The following MEGF10 variants were observed in gnomAD, a reference collection of about 807,000 sequenced individuals.
MEGF10 encodes multiple epidermal growth factor-like domains protein 10.
A neutral mutation model predicts 147.5 loss-of-function variants in MEGF10; 86 were observed. The ratio of observed to expected loss-of-function variants is 0.58; its 90% CI spans 0.49 to 0.70. The LOEUF is 0.70. Among genes scored for constraint, MEGF10 ranks in the 30% least tolerant of loss-of-function variants. The pLI is 0.00. For missense variants in MEGF10, 1,329 were observed against 1,487.3 expected (o/e 0.89, Z 1.75); for synonymous variants, 478 against 525.5 (o/e 0.91, Z 1.24).
chr5:127,433,603 A>G, intron 14 of MEGF10, 94 bp downstream of exon 14: 1 of 1,450,902 alleles, frequency 6.9e-7, no homozygotes. Flanking sequence ...GTTTATAGTG[A>G]TGTCCTGTTG....
At chr5:127,318,241 A>G (rs1316446355) in intron 1 of MEGF10, among the ~76,000 whole-genome samples, 1 of 152,150 alleles carries the variant, frequency 6.6e-6, no homozygotes, top group Admixed American at 6.5e-5. Flanking sequence ...TCCAGCCTCC[A>G]GAACTGTGAG....
the MEGF10 span, among the ~76,000 whole-genome samples, chr5:127,282,750 T>C: frequency 6.6e-6 from 1 of 152,228 alleles, no homozygotes; most frequent in Non-Finnish European, 1.5e-5. Flanking sequence ...TCTGGAAGGA[T>C]GGTGTATCAG....
chr5:127,358,829 T>C (rs1333082819), intron 4 of MEGF10, among the ~76,000 whole-genome samples: 1 of 152,156 alleles, frequency 6.6e-6, no homozygotes, highest in African/African-American at 2.4e-5. Context: ...CATTTTGATG[T>C]TTTAGTCCAT....
At chr5:127,281,648 A>G in the MEGF10 span, among the ~76,000 whole-genome samples, 1 of 152,062 alleles carries the variant, frequency 6.6e-6, no homozygotes. Flanking sequence ...AGCAGGGATG[A>G]AGGAAAGGAC....
chr5:127,422,673 G>A lies in MEGF10; in HGVS notation c.1594G>A (p.Gly532Ser). The A allele has an allele frequency of 1.9e-6, 3 of 1,613,670 alleles. No individual in the cohort carries two copies. The South Asian group carries it at 3.3e-5, about 18-fold the overall frequency. Residue 532 changes from glycine to serine, a missense_variant, in exon 13 of 25, where the codon GGC becomes AGC. Coordinates refer to ENST00000503335, the MANE Select transcript of MEGF10 (RefSeq NM_001256545.2). Reference protein sequence around the residue: ...GEKCELPCQDGTYGLNCAERC... With the variant: ...GEKCELPCQDSTYGLNCAERC... The stretch of plus-strand genomic sequence containing the variant: ...TTTGATGCTGTTTTCCATGCAGGAT[G>A]GCACGTACGGGCTGAACTGTGCTGA...
chr5:127,403,512 G>C (rs942357373), intron 8 of MEGF10, among the ~76,000 whole-genome samples: 5 of 152,090 alleles, frequency 3.3e-5, no homozygotes, highest in African/African-American at 1.2e-4. Context: ...CACCCTATAT[G>C]CTATCAAATA....
chr5:127,261,787 T>G, the MEGF10 span, among the ~76,000 whole-genome samples: 1 of 152,162 alleles, frequency 6.6e-6, no homozygotes, highest in African/African-American at 2.4e-5. Flanking sequence ...TTAAAAAAAT[T>G]TTATTATTGC....
At chr5:127,456,553 T>A (rs1422696384) in intron 24 of MEGF10, among the ~76,000 whole-genome samples, 2 of 152,164 alleles carry the variant, frequency 1.3e-5, no homozygotes, top group African/African-American at 2.4e-5. Flanking sequence ...GCCAGATACA[T>A]CCCTGGGAAA....
At position 127,309,947 on chromosome 5, in the gene MEGF10, C is replaced by CTCTTTCCTTCTTTCTTTCTTTCTT. The variant is rs1554088995; in HGVS notation, c.-19+18897_-19+18898insCTTCTTTCTTTCTTTCTTTCTTTC. Among the ~76,000 whole-genome samples, 143 of 90,458 alleles carry CTCTTTCCTTCTTTCTTTCTTTCTT rather than the reference C, an allele frequency of 1.6e-3. 26 individuals carry two copies. The highest frequency in any genetic ancestry group is 2.5e-3 in the African/African-American group (57 of 22,492). The allele number at this position is 90,458 out of a possible 152,430, so 59.3% of individuals were successfully genotyped here. A position where few individuals can be genotyped will look rare whatever the true frequency, so the allele number is the denominator to read the frequency against. On this transcript the variant is annotated intron_variant, in intron 1 of 24. Transcript: ENST00000503335. ...TCCAATTTTTCCACATCCTTGCCAA[C>CTCTTTCCTTCTTTCTTTCTTTCTT]TCTTTCTTTCTTTCTTTCTTTCTTT...
intron 2 of MEGF10, among the ~76,000 whole-genome samples, chr5:127,338,446 G>C (rs116212273): frequency 2.5e-3 from 375 of 152,170 alleles, no homozygotes; most frequent in African/African-American, 8.6e-3. Flanking sequence ...TTCACTCTAA[G>C]AAGAACCTGT....
intron 4 of MEGF10, among the ~76,000 whole-genome samples, chr5:127,340,977 A>G (rs1761657918): frequency 1.3e-5 from 2 of 152,174 alleles, no homozygotes. Flanking sequence ...ACAGAGACCT[A>G]ACTTTCCTGC....
chr5:127,406,285 A>G lies in MEGF10; in HGVS notation c.917+3603A>G, dbSNP rs1020924315. Among the ~76,000 whole-genome samples, 5 of 152,246 alleles carry G rather than the reference A, an allele frequency of 3.3e-5. No homozygotes were observed. The South Asian group carries it at 1.0e-3, about 31-fold the overall frequency. ...TTTTACATTTGAGCCAAGGAAGGCC[A>G]GGGGCCAGAGAAAGAGAAGGGAAGT... On this transcript the variant is annotated intron_variant, in intron 8 of 24. Coordinates refer to ENST00000503335, the MANE Select transcript of MEGF10 (RefSeq NM_001256545.2).
chr5:127,295,927 C>A (rs1185051689), intron 1 of MEGF10, among the ~76,000 whole-genome samples: 1 of 152,162 alleles, frequency 6.6e-6, no homozygotes, highest in Admixed American at 6.5e-5. Flanking sequence ...TAGCATAAGC[C>A]TGTATCATTT....
rs146742773 is a variant in MEGF10 at position 127,402,572 on chromosome 5, C to A, written c.807C>A (p.Pro269=). The A allele has an allele frequency of 6.2e-7, 1 of 1,613,966 alleles. No homozygotes were observed. Among genetic ancestry groups the A allele is most frequent in the South Asian group, 1.1e-5 (1 of 91,060 alleles). ...GCACAGTGTGTGGTCAGCCTTGCCCCGAGGGTCGCTTTGGAAAGAACTGTT... is the reference window on the plus strand; with the variant it reads ...GCACAGTGTGTGGTCAGCCTTGCCCAGAGGGTCGCTTTGGAAAGAACTGTT... ...WMGTVCGQPC[P]EGRFGKNCSQ... Residue 269 remains proline, a synonymous_variant, in exon 8 of 25, where the codon CCC becomes CCA. Coordinates refer to ENST00000503335, the MANE Select transcript of MEGF10 (RefSeq NM_001256545.2).
chr5:127,272,343 G>A, the MEGF10 span, among the ~76,000 whole-genome samples: 2 of 152,136 alleles, frequency 1.3e-5, no homozygotes, highest in Non-Finnish European at 2.9e-5. Context: ...CTGTAGCCTG[G>A]TAGTATAGTT....
chr5:127,360,850 A>G (rs1580761962), intron 4 of MEGF10, among the ~76,000 whole-genome samples: 1 of 150,580 alleles, frequency 6.6e-6, no homozygotes, highest in Admixed American at 6.6e-5. Flanking sequence ...ATATGTGTGT[A>G]TATATATGTG....
chr5:127,260,255 A>T, the MEGF10 span, among the ~76,000 whole-genome samples: 1 of 152,176 alleles, frequency 6.6e-6, no homozygotes, highest in Non-Finnish European at 1.5e-5. Flanking sequence ...TTGATCCAAC[A>T]TGTTCAATAA....
rs1766001921 is a variant in MEGF10 at position 127,447,677 on chromosome 5, T to C, written c.2849T>C (p.Val950Ala). The C allele has an allele frequency of 1.2e-6, 2 of 1,613,886 alleles. No homozygotes were observed. Among genetic ancestry groups the C allele is most frequent in the African/African-American group, 2.7e-5 (2 of 74,872 alleles). ...PHVNNRDRMT[V>A]TKSKNNQLFV... ...GTCAACAACAGGGACAGGATGACTG[T>C]CACGAAGGTGAGAGGAATTGGTTCA... The change falls in exon 21 of 25, where the codon GTC becomes GCC. Residue 950 changes from valine (V) to alanine (A), a missense_variant. This residue lies in a region of MEGF10 where 343 missense variants were observed against 377.9 expected (regional missense o/e 0.91). Transcript: ENST00000503335.
chr5:127,417,575 G>T (rs1764823734), intron 9 of MEGF10, 63 bp from the exon 10 acceptor site: 1 of 1,508,868 alleles, frequency 6.6e-7, no homozygotes, highest in Non-Finnish European at 9.2e-7. Flanking sequence ...AGCAACATTT[G>T]CACAGAAGTT....
Sources: allele counts gnomAD v4.1 joint callset (sites outside exome capture counted in the v4.1 genomes callset), GRCh38; gene constraint gnomAD v4.1.1; regional missense constraint gnomAD v4.1.1; transcripts MANE v1.5; gene names NCBI Gene and HGNC (gene_info 2026-07-23, HGNC 2026-07-21).